Variants in TMEM30A observed in about 807,000 individuals in gnomAD.
TMEM30A encodes cell cycle control protein 50A.
TMEM30A carries 24 observed loss-of-function variants against 38.2 expected under a neutral mutation model. The observed-to-expected ratio is 0.63, with a 90% CI of 0.46 to 0.88. The LOEUF (loss-of-function observed/expected upper bound fraction) is 0.88. Among genes scored for constraint, TMEM30A ranks in the 40% least tolerant of loss-of-function variants. The pLI, the probability that TMEM30A is intolerant of heterozygous loss-of-function variation, is 0.00. For synonymous variants in TMEM30A, 145 were observed against 161.6 expected, an observed-to-expected ratio of 0.90 and a Z score of 0.78; for missense variants, 370 against 458.6, an observed-to-expected ratio of 0.81 and a Z score of 1.77.
rs1286742600 is a variant in TMEM30A at position 75,255,004 on chromosome 6, T to A, written c.*1098A>T. Reference sequence around the variant, plus strand: ...ATTTATAGAACATCTTTTTAAAGTATGTCTTAGGAAAACCAACCAAAACAA... The same window carrying A: ...ATTTATAGAACATCTTTTTAAAGTAAGTCTTAGGAAAACCAACCAAAACAA... On this transcript the variant is annotated 3_prime_UTR_variant, in exon 7 of 7. Coordinates refer to ENST00000230461, the MANE Select transcript of TMEM30A (RefSeq NM_018247.4). 1 of 152,562 alleles carries A rather than the reference T, an allele frequency of 6.6e-6. No individual in the cohort carries two copies. Among genetic ancestry groups the A allele is most frequent in the Admixed American group, 6.6e-5 (1 of 15,256 alleles). 9.5% of individuals were successfully genotyped at this position (152,562 alleles called of 1,614,324 possible). A position where few individuals can be genotyped will look rare whatever the true frequency, so the allele number is the denominator to read the frequency against.
At chr6:75,268,950 C>T (rs1772117847) in intron 1 of TMEM30A, among the ~76,000 whole-genome samples, 1 of 152,148 alleles carries the variant, frequency 6.6e-6, no homozygotes, top group African/African-American at 2.4e-5. Context: ...AAGATCTGGC[C>T]TGATCGCTAA....
rs56115959 is a variant in TMEM30A, at chr6:75,283,212, C to T, written c.237+1190G>A. Among the ~76,000 whole-genome samples the T allele has an allele frequency of 7.3e-3, 1,115 of 152,158 alleles. 12 individuals carry two copies. Among genetic ancestry groups the T allele is most frequent in the African/African-American group, 0.026 (1,068 of 41,496 alleles). On this transcript the variant is annotated intron_variant, in intron 1 of 6. Transcript: ENST00000230461. ...ACATCAATCTTGCTTTTAGAGATAA[C>T]ACTGCAAATTAAACTGGAACCCCAT...
chr6:75,265,124 A>T, intron 3 of TMEM30A, 107 bp downstream of exon 3: 1 of 710,130 alleles, frequency 1.4e-6, no homozygotes, highest in Non-Finnish European at 2.1e-6. Context: ...CACTATACAA[A>T]CTATAAATGA....
intron 6 of TMEM30A, chr6:75,256,659 G>A (rs1771872932): frequency 2.5e-5 from 10 of 392,196 alleles, no homozygotes; most frequent in South Asian, 1.9e-4. Flanking sequence ...GAGACTGACA[G>A]ACCAGGAGAA....
chr6:75,261,005 C>A lies in TMEM30A; in HGVS notation c.454-94G>T. On this transcript the variant is annotated intron_variant, in intron 3 of 6. Coordinates refer to ENST00000230461, the MANE Select transcript of TMEM30A (RefSeq NM_018247.4). ...TAAATTACTGATTAAGAATTCAACACCTATATTTTTCTCACTTATAATACA... is the reference window on the plus strand; with the variant it reads ...TAAATTACTGATTAAGAATTCAACAACTATATTTTTCTCACTTATAATACA... 12 of 785,502 alleles carry A rather than the reference C, an allele frequency of 1.5e-5. No homozygotes were observed. In the South Asian group the frequency reaches 2.3e-4, roughly 15 times the overall value. 48.7% of individuals were successfully genotyped at this position (785,502 alleles called of 1,614,324 possible). A position where few individuals can be genotyped will look rare whatever the true frequency, so the allele number is the denominator to read the frequency against.
intron 4 of TMEM30A, among the ~76,000 whole-genome samples, chr6:75,260,621 T>C (rs1457695127): frequency 6.6e-6 from 1 of 152,096 alleles, no homozygotes; most frequent in Non-Finnish European, 1.5e-5. Context: ...GCTTCTTTCT[T>C]CTCAGAGACA....
intron 2 of TMEM30A, among the ~76,000 whole-genome samples, chr6:75,266,566 A>G (rs1478133848): frequency 1.3e-5 from 2 of 152,258 alleles, no homozygotes; most frequent in African/African-American, 2.4e-5. Flanking sequence ...GAAGAAACAC[A>G]GAGTCCACAA....
At chr6:75,259,589 A>C in intron 4 of TMEM30A, 99 bp from the exon 5 acceptor site, 1 of 1,140,188 alleles carries the variant, frequency 8.8e-7, no homozygotes, top group African/African-American at 1.6e-5. Context: ...TTGTTTCCAA[A>C]AGTGGTTGTG....
intron 3 of TMEM30A, 142 bp downstream of exon 3, chr6:75,265,089 T>C: frequency 2.0e-6 from 1 of 491,268 alleles, no homozygotes; most frequent in Non-Finnish European, 3.5e-6. Context: ...AAAGTGAGAC[T>C]CCATCTCGGG....
intron 1 of TMEM30A, among the ~76,000 whole-genome samples, chr6:75,269,932 A>G (rs534831080): frequency 1.3e-5 from 2 of 152,158 alleles, no homozygotes; most frequent in Admixed American, 6.5e-5. Context: ...TGACCTCATG[A>G]TCCGCCCACC....
intron 6 of TMEM30A, among the ~76,000 whole-genome samples, chr6:75,257,643 A>C (rs1223971045): frequency 6.6e-6 from 1 of 152,142 alleles, no homozygotes; most frequent in Non-Finnish European, 1.5e-5. Flanking sequence ...AAACTGCTCC[A>C]ATGTGGATTT....
At chr6:75,267,802 A>T in intron 1 of TMEM30A, 54 bp from the exon 2 acceptor site, 1 of 1,191,252 alleles carries the variant, frequency 8.4e-7, no homozygotes, top group South Asian at 1.5e-5. Context: ...GATACCTAAA[A>T]CACTCTGAAA....
chr6:75,282,925 C>T (rs1208502783), intron 1 of TMEM30A, among the ~76,000 whole-genome samples: 3 of 152,262 alleles, frequency 2.0e-5, no homozygotes, highest in African/African-American at 7.2e-5. Flanking sequence ...TGCCCATGTT[C>T]CTTGCATGAC....
In TMEM30A at chr6:75,265,300, A is replaced by T; in HGVS notation, c.384T>A (p.Tyr128Ter). ...ATTTCACGTAACGACGATGGTTTTG[A>T]TAGAAATTAGACAGTCCATAATACA... The part of the protein sequence containing the change: ...VFMYYGLSNF[Y>*]QNHRRYVKSR... Residue 128 changes from tyrosine (Y) to a stop codon, truncating the protein, a stop_gained, in exon 3 of 7, where the codon TAT becomes TAA. Coordinates refer to ENST00000230461, the MANE Select transcript of TMEM30A (RefSeq NM_018247.4). LOFTEE classifies it high-confidence loss of function. 1 of 1,612,008 alleles carries T rather than the reference A, an allele frequency of 6.2e-7. No individual in the cohort carries two copies. The highest frequency in any genetic ancestry group is 1.1e-5 in the South Asian group (1 of 90,932).
At position 75,267,696 on chromosome 6, in the gene TMEM30A, G is replaced by A. The variant is rs749241901; in HGVS notation, c.290C>T (p.Pro97Leu). Residue 97 changes from proline to leucine, a missense_variant, in exon 2 of 7, where the codon CCG (proline) becomes CTG (leucine). Transcript: ENST00000230461. ...GGTACAAAAGCAAGGTGTCACATCC[G>A]GAGATAAACATTTATTACAGGGACT... Reference protein sequence around the residue: ...PSSPCNKCLSPDVTPCFCTIN... With the variant: ...PSSPCNKCLSLDVTPCFCTIN... The A allele has an allele frequency of 4.2e-5, 67 of 1,611,272 alleles. No individual in the cohort carries two copies. Among genetic ancestry groups the A allele is most frequent in the Non-Finnish European group, 4.7e-5 (55 of 1,178,780 alleles).
intron 6 of TMEM30A, among the ~76,000 whole-genome samples, chr6:75,257,717 T>A (rs1188445538): frequency 6.6e-6 from 1 of 152,146 alleles, no homozygotes; most frequent in African/African-American, 2.4e-5. Context: ...TGTATTCAGG[T>A]GCAACATCAA....
intron 3 of TMEM30A, among the ~76,000 whole-genome samples, chr6:75,261,291 A>G (rs1460390637): frequency 6.6e-6 from 1 of 152,210 alleles, no homozygotes; most frequent in African/African-American, 2.4e-5. Context: ...CTGGAACTAA[A>G]GAGGCTAGAG....
chr6:75,266,714 G>A (rs185666704), intron 2 of TMEM30A, among the ~76,000 whole-genome samples: 1 of 152,260 alleles, frequency 6.6e-6, no homozygotes, highest in South Asian at 2.1e-4. Context: ...GACAAAAGCA[G>A]AATTTATTGT....
chr6:75,282,757 T>A (rs1422710019), intron 1 of TMEM30A, among the ~76,000 whole-genome samples: 1 of 152,202 alleles, frequency 6.6e-6, no homozygotes, highest in African/African-American at 2.4e-5. Flanking sequence ...GACATCTTAT[T>A]TATATTGCTT....
Sources: gnomAD v4.1 joint callset for allele counts (sites outside exome capture counted in the v4.1 genomes callset) on GRCh38, gnomAD v4.1.1 for gene constraint, MANE v1.5 for transcripts, NCBI Gene and HGNC (gene_info 2026-07-23, HGNC 2026-07-21) for gene names.